Variants in RNF38 observed in about 807,000 individuals in gnomAD.
RNF38 encodes the protein ring finger protein 38.
In RNF38, 15 loss-of-function variants were observed where a neutral mutation model predicts 67.2. The observed-to-expected ratio is 0.22, with a 90% CI of 0.15 to 0.34. The LOEUF (loss-of-function observed/expected upper bound fraction) is 0.34, where lower values mean the gene tolerates loss of function less well. RNF38 is among the 10% of genes least tolerant of loss of function. RNF38 has a pLI of 1.00. For missense variants in RNF38, 524 were observed against 639.9 expected, an observed-to-expected ratio of 0.82 and a Z score of 1.95; for synonymous variants, 220 against 218.8, an observed-to-expected ratio of 1.01 and a Z score of -0.05.
Position 36,344,833 on chromosome 9 carries a change from A to C in RNF38, c.1384T>G (p.Leu462Val). ...GTGATGTCAGAAAAATTTACTTACA[A>C]AGTCTGTTCTGACTGGTGGTTGTTA... ...NPNNHQSEQT[L>V]CVVCMCDFES... Residue 462 changes from leucine to valine, a missense_variant and splice_region_variant, in exon 10 of 12, where the codon TTG (leucine) becomes GTG (valine). Transcript: ENST00000259605. The C allele has an allele frequency of 6.2e-7, 1 of 1,611,086 alleles. No homozygotes were observed. The highest frequency in any genetic ancestry group is 8.5e-7 in the Non-Finnish European group (1 of 1,178,196).
intron 1 of RNF38, among the ~76,000 whole-genome samples, chr9:36,471,027 G>C (rs537308122): frequency 6.6e-6 from 1 of 152,100 alleles, no homozygotes; most frequent in Non-Finnish European, 1.5e-5. Flanking sequence ...ACATATTTAT[G>C]CCTAAGAATT....
intron 3 of RNF38, among the ~76,000 whole-genome samples, chr9:36,372,766 T>G (rs1835483536): frequency 6.6e-6 from 1 of 152,204 alleles, no homozygotes; most frequent in Non-Finnish European, 1.5e-5. Context: ...ATTATCATCA[T>G]CTGTAAACAG....
At chr9:36,348,420 C>T (rs1275091433) in intron 9 of RNF38, among the ~76,000 whole-genome samples, 5 of 152,140 alleles carry the variant, frequency 3.3e-5, no homozygotes, top group East Asian at 1.9e-4. Flanking sequence ...CTGTACTGAG[C>T]GGAGTTCGTG....
intron 1 of RNF38, among the ~76,000 whole-genome samples, chr9:36,452,534 CTT>C (rs748639616): frequency 2.1e-5 from 3 of 144,074 alleles, no homozygotes; most frequent in Admixed American, 7.0e-5. Context: ...CAAAATCTTG[CTT>C]TTTTTTTTTT....
intron 1 of RNF38, among the ~76,000 whole-genome samples, chr9:36,481,590 C>G (rs759756900): frequency 3.9e-5 from 6 of 152,166 alleles, no homozygotes; most frequent in Non-Finnish European, 8.8e-5. Flanking sequence ...TACTCCAAGA[C>G]AGCAGCATAA....
chr9:36,407,842 T>C (rs577410406), intron 2 of RNF38, among the ~76,000 whole-genome samples: 1 of 152,334 alleles, frequency 6.6e-6, no homozygotes, highest in South Asian at 2.1e-4. Context: ...ATCTAGGTTA[T>C]TCTTTTCAAC....
chr9:36,472,759 A>G (rs542362684), intron 1 of RNF38, among the ~76,000 whole-genome samples: 1 of 152,190 alleles, frequency 6.6e-6, no homozygotes, highest in Non-Finnish European at 1.5e-5. Context: ...TAATGTTGAG[A>G]ATCACAGAGC....
At chr9:36,415,012 T>C (rs1351321919) in intron 2 of RNF38, among the ~76,000 whole-genome samples, 1 of 152,220 alleles carries the variant, frequency 6.6e-6, no homozygotes, top group Non-Finnish European at 1.5e-5. Flanking sequence ...GCCTGATGAC[T>C]GTGTGCCTAG....
At chr9:36,346,972 T>TA (rs1002272449) in intron 9 of RNF38, among the ~76,000 whole-genome samples, 5 of 151,782 alleles carry the variant, frequency 3.3e-5, no homozygotes, top group Non-Finnish European at 5.9e-5. Context: ...ACAAAAAAAT[T>TA]AGACAGGCAT....
rs530746059 is a variant in RNF38, at chr9:36,345,962, C to T, written c.1264-1009G>A. ...TGAATACTTATACCATAAGACCCAT[C>T]GTGTCCACTGGTTATGTTAGCAGCC... On this transcript the variant is annotated intron_variant, in intron 9 of 11. Transcript: ENST00000259605. Among the ~76,000 whole-genome samples, 232 of 152,272 alleles carry T rather than the reference C, an allele frequency of 1.5e-3. 1 individual carries two copies. The highest frequency in any genetic ancestry group is 4.7e-3 in the African/African-American group (194 of 41,558).
intron 1 of RNF38, among the ~76,000 whole-genome samples, chr9:36,454,661 C>A (rs1008536287): frequency 3.4e-5 from 5 of 146,334 alleles, no homozygotes; most frequent in Non-Finnish European, 7.4e-5. Context: ...CGGCTCACTG[C>A]AACCTCCGCC....
chr9:36,426,517 A>G (rs752821373), intron 1 of RNF38, among the ~76,000 whole-genome samples: 8 of 152,224 alleles, frequency 5.3e-5, no homozygotes, highest in Non-Finnish European at 1.0e-4. Flanking sequence ...CTATGGCTAA[A>G]TAATATTCCA....
Position 36,337,577 on chromosome 9 carries a change from G to C in RNF38, c.*2175C>G, listed in dbSNP as rs1435745013. ...ATGAATACTGAGTGTCGTAGTGTTA[G>C]ATCTGTACAGATATAAATTTTTTGC... On this transcript the variant is annotated 3_prime_UTR_variant, in exon 12 of 12. Coordinates refer to ENST00000259605, the MANE Select transcript of RNF38 (RefSeq NM_022781.5). 6.6e-6 allele frequency: 1 copy of C among 152,564 alleles called. No individual in the cohort carries two copies. Among genetic ancestry groups the C allele is most frequent in the Non-Finnish European group, 1.5e-5 (1 of 68,034 alleles). 9.5% of individuals were successfully genotyped at this position (152,564 alleles called of 1,614,324 possible).
chr9:36,476,656 T>C (rs1298285333), intron 1 of RNF38, among the ~76,000 whole-genome samples: 1 of 151,582 alleles, frequency 6.6e-6, no homozygotes, highest in Non-Finnish European at 1.5e-5. Flanking sequence ...CCCAAGTAGC[T>C]GGGATTACAG....
intron 2 of RNF38, chr9:36,424,555 C>T: frequency 5.4e-6 from 4 of 738,014 alleles, no homozygotes; most frequent in Non-Finnish European, 6.6e-6. Context: ...GCAAGAGAAT[C>T]CAGCAACGTA....
chr9:36,398,942 A>G (rs1419098381), intron 1 of RNF38, among the ~76,000 whole-genome samples: 1 of 152,208 alleles, frequency 6.6e-6, no homozygotes, highest in Non-Finnish European at 1.5e-5. Context: ...CTTTCCACTC[A>G]CAGCCTCAAA....
At chr9:36,354,763 G>A (rs554380205) in intron 6 of RNF38, among the ~76,000 whole-genome samples, 1 of 152,276 alleles carries the variant, frequency 6.6e-6, no homozygotes, top group African/African-American at 2.4e-5. Flanking sequence ...GTTTTCAACT[G>A]AATTCTCTTA....
At chr9:36,400,327 T>C (rs987197338), upstream of RNF38, 10 of 1,250,832 alleles carry the variant, frequency 8.0e-6, no homozygotes, top group South Asian at 2.2e-4. Context: ...TCATTTCACC[T>C]GCGTCTCGGC....
intron 1 of RNF38, among the ~76,000 whole-genome samples, chr9:36,465,350 CTTTT>C (rs552969476): frequency 2.6e-5 from 4 of 151,712 alleles, no homozygotes; most frequent in African/African-American, 9.7e-5. Context: ...TTCTTTTTTT[CTTTT>C]TTTTCTTTCA....
Sources: allele counts gnomAD v4.1 joint callset (sites outside exome capture counted in the v4.1 genomes callset), GRCh38; gene constraint gnomAD v4.1.1; transcripts MANE v1.5; gene names NCBI Gene and HGNC (gene_info 2026-07-23, HGNC 2026-07-21).